Variants in LRBA observed in about 807,000 individuals in gnomAD.
LRBA encodes the protein lipopolysaccharide-responsive and beige-like anchor protein.
LRBA carries 176 observed loss-of-function variants against 330.0 expected under a neutral mutation model. The observed-to-expected ratio is 0.53, with a 90% CI of 0.47 to 0.60. The LOEUF is 0.60. LRBA is among the 20% of genes least tolerant of loss of function. The pLI is 0.00. For synonymous variants in LRBA, 1,230 were observed against 1,193.0 expected, an observed-to-expected ratio of 1.03 and a Z score of -0.64; for missense variants, 3,259 against 3,444.8, an observed-to-expected ratio of 0.95 and a Z score of 1.35.
rs536626804 is a variant in LRBA at position 151,004,602 on chromosome 4, C to T, written c.216+9825G>A. 2.6e-5 allele frequency among the ~76,000 whole-genome samples: 4 copies of T among 152,304 alleles called. No homozygotes were observed. The South Asian group carries it at 8.3e-4, about 32-fold the overall frequency. On this transcript the variant is annotated intron_variant, in intron 2 of 56. Transcript: ENST00000651943. Reference sequence around the variant, plus strand: ...GAAACTGGGAAAAGCTAACATGTGACTAAGGCAGGGTACTCTTGTAATGGA... The same window carrying T: ...GAAACTGGGAAAAGCTAACATGTGATTAAGGCAGGGTACTCTTGTAATGGA...
chr4:150,866,979 C>T (rs762927515), intron 22 of LRBA, among the ~76,000 whole-genome samples: 2 of 151,152 alleles, frequency 1.3e-5, no homozygotes, highest in African/African-American at 2.4e-5. Context: ...GGGGGTCAGG[C>T]GAAGAAGAGG....
intron 37 of LRBA, among the ~76,000 whole-genome samples, chr4:150,610,200 T>C (rs4577554): frequency 0.71 from 107,957 of 152,122 alleles, 45,063 homozygotes; most frequent in Non-Finnish European, 0.91. Context: ...CCAGCTGAGT[T>C]TGGAAACCAT....
At chr4:150,607,446 A>C (rs1774766130) in intron 37 of LRBA, among the ~76,000 whole-genome samples, 1 of 151,940 alleles carries the variant, frequency 6.6e-6, no homozygotes, top group Non-Finnish European at 1.5e-5. Context: ...GGAAGTTAGA[A>C]GATAAAGATG....
At chr4:150,619,129 G>A (rs1776061447) in intron 37 of LRBA, among the ~76,000 whole-genome samples, 1 of 152,026 alleles carries the variant, frequency 6.6e-6, no homozygotes, top group African/African-American at 2.4e-5. Flanking sequence ...AAATCACAGA[G>A]AGGTACATGT....
At chr4:150,314,027 G>A (rs2126893491) in intron 51 of LRBA, among the ~76,000 whole-genome samples, 1 of 151,886 alleles carries the variant, frequency 6.6e-6, no homozygotes, top group African/African-American at 2.4e-5. Context: ...TTTGGGGCTT[G>A]GGATTTGCAG....
chr4:150,989,034 ACT>A (rs1231245928), intron 2 of LRBA, among the ~76,000 whole-genome samples: 1 of 150,848 alleles, frequency 6.6e-6, no homozygotes, highest in African/African-American at 2.4e-5. Flanking sequence ...ACAGAGTCTC[ACT>A]CTGTCACCCA....
At chr4:150,903,294 AG>A (rs1452012616) in intron 13 of LRBA, among the ~76,000 whole-genome samples, 1 of 152,116 alleles carries the variant, frequency 6.6e-6, no homozygotes, top group African/African-American at 2.4e-5. Context: ...CTGAGGCAGG[AG>A]GACTGATTGA....
chr4:150,295,956 C>T (rs1325228301), intron 53 of LRBA, among the ~76,000 whole-genome samples: 1 of 152,156 alleles, frequency 6.6e-6, no homozygotes, highest in African/African-American at 2.4e-5. Flanking sequence ...CCTGTAGCTG[C>T]ATATGAGTGT....
In LRBA at chr4:150,794,112, G is replaced by C. The variant is rs1740402409; in HGVS notation, c.5580+3969C>G. Among the ~76,000 whole-genome samples, 3 of 152,202 alleles carry C rather than the reference G, an allele frequency of 2.0e-5. No individual in the cohort carries two copies. In the South Asian group the frequency reaches 6.2e-4, roughly 32 times the overall value. On this transcript the variant is annotated intron_variant, in intron 34 of 56. Transcript: ENST00000651943. ...AACAAAAGTCACCAAGTTAGAAAGA[G>C]GGGCAGCTTAGGGAAAGAAAAAGCA...
At chr4:150,755,449 A>G (rs1734161774) in intron 35 of LRBA, among the ~76,000 whole-genome samples, 1 of 152,240 alleles carries the variant, frequency 6.6e-6, no homozygotes, top group Non-Finnish European at 1.5e-5. Context: ...TAAAGTTGTA[A>G]GAGGCTATGA....
At chr4:150,574,165 C>G (rs1419311601) in intron 40 of LRBA, among the ~76,000 whole-genome samples, 1 of 151,982 alleles carries the variant, frequency 6.6e-6, no homozygotes, top group Non-Finnish European at 1.5e-5. Flanking sequence ...TGATTCAACC[C>G]CTATCAAGCA....
intron 36 of LRBA, among the ~76,000 whole-genome samples, chr4:150,689,092 A>C (rs549559896): frequency 6.6e-5 from 10 of 152,334 alleles, no homozygotes; most frequent in Admixed American, 3.9e-4. Context: ...GGATAAAGAA[A>C]ATGTGACACA....
intron 47 of LRBA, among the ~76,000 whole-genome samples, chr4:150,401,647 A>AT (rs1277323941): frequency 6.6e-6 from 1 of 152,174 alleles, no homozygotes; most frequent in Non-Finnish European, 1.5e-5. Flanking sequence ...TACATGTTAT[A>AT]TATCACTAAC....
At chr4:150,776,874 T>C (rs982625951) in intron 34 of LRBA, among the ~76,000 whole-genome samples, 8 of 152,080 alleles carry the variant, frequency 5.3e-5, no homozygotes, top group African/African-American at 1.9e-4. Flanking sequence ...GAATAAAAAA[T>C]AAAAATTGTA....
rs923383579 is a variant in LRBA at position 150,964,099 on chromosome 4, G to C, written c.217-35034C>G. 4.8e-5 allele frequency among the ~76,000 whole-genome samples: 7 copies of C among 146,078 alleles called. 2 individuals carry two copies. Among genetic ancestry groups the C allele is most frequent in the African/African-American group, 1.9e-4 (7 of 36,602 alleles). The stretch of plus-strand genomic sequence containing the variant: ...CGTCCGGGAAGTGAGGAGCGTCTCC[G>C]CCCGGCAGCCGCCCCGTCCAGGAGG... On this transcript the variant is annotated intron_variant, in intron 2 of 56. Coordinates refer to ENST00000651943, the MANE Select transcript of LRBA (RefSeq NM_001364905.1).
chr4:150,745,255 A>G (rs1003782907), intron 35 of LRBA, among the ~76,000 whole-genome samples: 1 of 152,230 alleles, frequency 6.6e-6, no homozygotes, highest in African/African-American at 2.4e-5. Context: ...GATAGTAAAC[A>G]TAAGTTGCTT....
chr4:150,552,403 C>T (rs1401428096), intron 40 of LRBA, among the ~76,000 whole-genome samples: 1 of 152,048 alleles, frequency 6.6e-6, no homozygotes. Context: ...AAAATGCTCA[C>T]CATCACTGGC....
intron 40 of LRBA, among the ~76,000 whole-genome samples, chr4:150,562,127 T>A (rs1561356166): frequency 6.6e-6 from 1 of 152,296 alleles, no homozygotes; most frequent in South Asian, 2.1e-4. Context: ...CAGTATCTCC[T>A]GAGCTTCTTG....
chr4:150,532,327 T>A (rs1764132326), intron 40 of LRBA, among the ~76,000 whole-genome samples: 1 of 152,196 alleles, frequency 6.6e-6, no homozygotes, highest in Non-Finnish European at 1.5e-5. Flanking sequence ...ATTCCAAAAG[T>A]GCAATCTGTT....
Sources: gnomAD v4.1 joint callset for allele counts (sites outside exome capture counted in the v4.1 genomes callset) on GRCh38, gnomAD v4.1.1 for gene constraint, MANE v1.5 for transcripts, NCBI Gene and HGNC (gene_info 2026-07-23, HGNC 2026-07-21) for gene names.